ASTN2: variants seen among roughly 807,000 people sequenced by gnomAD.
ASTN2 encodes the protein astrotactin-2.
A neutral mutation model predicts 139.8 loss-of-function variants in ASTN2; 54 were observed. That is an observed-to-expected ratio of 0.39 (90% CI 0.31 to 0.48). The LOEUF is 0.48. Ranked by LOEUF, ASTN2 falls within the 20% of genes least tolerant of loss-of-function variation. The pLI is 0.95. For synonymous variants in ASTN2, 756 were observed against 719.5 expected (o/e 1.05, Z -0.81); for missense variants, 1,565 against 1,725.1 (o/e 0.91, Z 1.64).
chr9:117,067,680 C>T (rs1228228075), intron 5 of ASTN2, among the ~76,000 whole-genome samples: 2 of 132,530 alleles, frequency 1.5e-5, no homozygotes, highest in Non-Finnish European at 3.3e-5. Context: ...TCTTTTATTT[C>T]CTTGAGCAGT....
chr9:116,960,327 C>T (rs1835842353), intron 10 of ASTN2, among the ~76,000 whole-genome samples: 1 of 152,174 alleles, frequency 6.6e-6, no homozygotes, highest in Non-Finnish European at 1.5e-5. Flanking sequence ...CTTTGTTTTG[C>T]CTCCCCAGGC....
intron 13 of ASTN2, among the ~76,000 whole-genome samples, chr9:116,761,831 C>T (rs143664869): frequency 4.5e-4 from 68 of 152,238 alleles, no homozygotes; most frequent in East Asian, 1.7e-3. Flanking sequence ...GTTAGACGAT[C>T]ATTCTGGCTG....
At chr9:116,892,400 C>T (rs1199474112) in intron 10 of ASTN2, among the ~76,000 whole-genome samples, 1 of 151,374 alleles carries the variant, frequency 6.6e-6, no homozygotes, top group African/African-American at 2.4e-5. Flanking sequence ...GGTGTAGATG[C>T]CAGTCTTATA....
chr9:117,411,002 C>T (rs768527628), intron 1 of ASTN2, among the ~76,000 whole-genome samples: 3 of 152,180 alleles, frequency 2.0e-5, no homozygotes, highest in Non-Finnish European at 4.4e-5. Flanking sequence ...CCATAACCTG[C>T]ATAAACTTCA....
chr9:116,813,800 T>C (rs1373710449), intron 12 of ASTN2, among the ~76,000 whole-genome samples: 2 of 152,000 alleles, frequency 1.3e-5, no homozygotes, highest in Non-Finnish European at 2.9e-5. Context: ...TTTGGGGGGC[T>C]GAGACTGGCG....
intron 20 of ASTN2, among the ~76,000 whole-genome samples, chr9:116,486,580 A>G (rs1177301975): frequency 1.3e-5 from 2 of 152,234 alleles, no homozygotes; most frequent in Non-Finnish European, 2.9e-5. Flanking sequence ...TCAACTTCGT[A>G]ACAACTTCAG....
intron 20 of ASTN2, among the ~76,000 whole-genome samples, chr9:116,483,655 CAA>C (rs1406210496): frequency 1.3e-5 from 2 of 151,756 alleles, no homozygotes; most frequent in African/African-American, 2.4e-5. Flanking sequence ...GAATAAAAGA[CAA>C]AGAGAAAAAG....
At chr9:116,581,691 T>A (rs1374680541) in intron 19 of ASTN2, among the ~76,000 whole-genome samples, 1 of 152,212 alleles carries the variant, frequency 6.6e-6, no homozygotes, top group African/African-American at 2.4e-5. Context: ...TCTCTGAGCA[T>A]ATCCTTGCTC....
At chr9:116,507,469 T>C (rs1850161767) in intron 19 of ASTN2, among the ~76,000 whole-genome samples, 1 of 152,196 alleles carries the variant, frequency 6.6e-6, no homozygotes, top group African/African-American at 2.4e-5. Flanking sequence ...TCTGTGTTAA[T>C]GGCAGTCAAC....
chr9:117,040,650 G>T (rs985100493), intron 5 of ASTN2, among the ~76,000 whole-genome samples: 1 of 152,066 alleles, frequency 6.6e-6, no homozygotes, highest in Non-Finnish European at 1.5e-5. Flanking sequence ...GTAGAGACGG[G>T]TTTTCACCAT....
intron 16 of ASTN2, among the ~76,000 whole-genome samples, chr9:116,716,836 C>T (rs1283569365): frequency 1.3e-5 from 2 of 152,110 alleles, no homozygotes; most frequent in Non-Finnish European, 2.9e-5. Flanking sequence ...ATATTTTCAC[C>T]CCTGCTCAAG....
intron 7 of ASTN2, among the ~76,000 whole-genome samples, chr9:116,991,372 C>T (rs1018882049): frequency 1.3e-5 from 2 of 152,162 alleles, no homozygotes; most frequent in African/African-American, 2.4e-5. Context: ...CTAGAGGTCC[C>T]TTCTGCACAG....
At chr9:116,704,810 A>T (rs964395269) in intron 16 of ASTN2, among the ~76,000 whole-genome samples, 4 of 148,086 alleles carry the variant, frequency 2.7e-5, no homozygotes, top group African/African-American at 1.0e-4. Context: ...TAATCATTTG[A>T]TTAAAGTAAT....
intron 12 of ASTN2, among the ~76,000 whole-genome samples, chr9:116,819,224 C>A (rs1282273996): frequency 6.6e-6 from 1 of 152,090 alleles, no homozygotes; most frequent in East Asian, 1.9e-4. Flanking sequence ...CCACCCCACC[C>A]CAAACACACA....
chr9:117,120,717 C>A (rs1443812476), intron 4 of ASTN2, among the ~76,000 whole-genome samples: 1 of 152,184 alleles, frequency 6.6e-6, no homozygotes, highest in Admixed American at 6.5e-5. Flanking sequence ...TTAAAACTAT[C>A]ATAATGGGGA....
chr9:117,369,416 A>C (rs143364244), intron 1 of ASTN2, among the ~76,000 whole-genome samples: 6 of 152,138 alleles, frequency 3.9e-5, no homozygotes, highest in Non-Finnish European at 5.9e-5. Context: ...TCTACTCTTT[A>C]CGATAACCCT....
chr9:116,758,027 C>T (rs1461338907), intron 13 of ASTN2, among the ~76,000 whole-genome samples: 1 of 152,156 alleles, frequency 6.6e-6, no homozygotes, highest in Non-Finnish European at 1.5e-5. Flanking sequence ...AATGCCATTA[C>T]TAGAAGAAGC....
intron 16 of ASTN2, among the ~76,000 whole-genome samples, chr9:116,661,067 T>C (rs1858529120): frequency 6.6e-6 from 1 of 152,144 alleles, no homozygotes. Flanking sequence ...AGGCAGGTCA[T>C]ACTCTCTGTG....
chr9:116,870,127 CAAA>C, intron 10 of ASTN2, among the ~76,000 whole-genome samples: 1 of 149,880 alleles, frequency 6.7e-6, no homozygotes, highest in Admixed American at 6.6e-5. Context: ...GACCCTGTCT[CAAA>C]AAAAATAAAA....
Sources: allele counts gnomAD v4.1 joint callset (sites outside exome capture counted in the v4.1 genomes callset), GRCh38; gene constraint gnomAD v4.1.1; transcripts MANE v1.5; gene names NCBI Gene and HGNC (gene_info 2026-07-23, HGNC 2026-07-21).